Variants in THSD7B observed in about 807,000 individuals in gnomAD.
THSD7B encodes the protein thrombospondin type 1 domain containing 7B.
Under a neutral mutation model 213.6 loss-of-function variants are expected in THSD7B, and 138 were observed. The ratio of observed to expected loss-of-function variants is 0.65; its 90% CI spans 0.56 to 0.74. THSD7B has a LOEUF of 0.74. Ranked by LOEUF, THSD7B falls within the 30% of genes least tolerant of loss-of-function variation. The pLI is 0.00. For missense variants in THSD7B, 1,931 were observed against 1,991.5 expected, an observed-to-expected ratio of 0.97 and a Z score of 0.58; for synonymous variants, 742 against 687.0, an observed-to-expected ratio of 1.08 and a Z score of -1.25.
intron 12 of THSD7B, among the ~76,000 whole-genome samples, chr2:137,377,809 T>C (rs888374737): frequency 5.9e-5 from 9 of 151,978 alleles, no homozygotes; most frequent in African/African-American, 1.2e-4. Context: ...GTGTCTTTAG[T>C]AGAGACAGGG....
chr2:137,659,067 C>T (rs1427670967), intron 24 of THSD7B, among the ~76,000 whole-genome samples: 1 of 150,818 alleles, frequency 6.6e-6, no homozygotes, highest in Non-Finnish European at 1.5e-5. Context: ...GGAACAAGTA[C>T]TGTGTCAGAT....
chr2:136,946,006 G>C (rs1684930901), intron 2 of THSD7B, among the ~76,000 whole-genome samples: 1 of 152,150 alleles, frequency 6.6e-6, no homozygotes, highest in African/African-American at 2.4e-5. Context: ...TTTGTTGCTG[G>C]CAAGGAGCTG....
At chr2:137,420,349 T>A (rs1686897942) in intron 14 of THSD7B, among the ~76,000 whole-genome samples, 1 of 152,156 alleles carries the variant, frequency 6.6e-6, no homozygotes, top group East Asian at 1.9e-4. Context: ...ATTTGCAACT[T>A]AATTCTCTAG....
intron 2 of THSD7B, among the ~76,000 whole-genome samples, chr2:136,916,127 C>T (rs1301551777): frequency 6.6e-6 from 1 of 152,028 alleles, no homozygotes; most frequent in Non-Finnish European, 1.5e-5. Context: ...GTTTTTGTTT[C>T]TTGTTTTTAT....
At chr2:137,350,460 AAGTC>A (rs1472380167) in intron 12 of THSD7B, among the ~76,000 whole-genome samples, 1 of 151,822 alleles carries the variant, frequency 6.6e-6, no homozygotes, top group East Asian at 1.9e-4. Flanking sequence ...GCAGTGGAGA[AAGTC>A]AGAGAGTGGC....
At chr2:137,300,702 G>A (rs748809082) in intron 12 of THSD7B, among the ~76,000 whole-genome samples, 4 of 152,020 alleles carry the variant, frequency 2.6e-5, no homozygotes, top group Non-Finnish European at 4.4e-5. Flanking sequence ...GGCACATGCT[G>A]GAAAAAGGAA....
intron 1 of THSD7B, among the ~76,000 whole-genome samples, chr2:136,808,009 T>G (rs533704787): frequency 2.6e-5 from 4 of 152,346 alleles, no homozygotes; most frequent in Admixed American, 2.6e-4. Flanking sequence ...CTATCTATAT[T>G]AAGCTAAATA....
chr2:137,452,730 A>G (rs1306715889), intron 15 of THSD7B, among the ~76,000 whole-genome samples: 1 of 152,160 alleles, frequency 6.6e-6, no homozygotes, highest in African/African-American at 2.4e-5. Flanking sequence ...GTGTAGGCAA[A>G]TGTATGGACA....
chr2:136,973,682 C>T (rs918595820), intron 2 of THSD7B, among the ~76,000 whole-genome samples: 1 of 152,136 alleles, frequency 6.6e-6, no homozygotes, highest in Non-Finnish European at 1.5e-5. Flanking sequence ...TGTAATTACC[C>T]ATCTGTTTCA....
intron 1 of THSD7B, among the ~76,000 whole-genome samples, chr2:136,802,247 A>G (rs1682196338): frequency 6.6e-6 from 1 of 152,090 alleles, no homozygotes; most frequent in Non-Finnish European, 1.5e-5. Context: ...ACCATGTGGG[A>G]AAGAAAGTGA....
At chr2:137,526,672 C>A (rs1680286591) in intron 15 of THSD7B, among the ~76,000 whole-genome samples, 1 of 152,158 alleles carries the variant, frequency 6.6e-6, no homozygotes, top group African/African-American at 2.4e-5. Flanking sequence ...GATCCATCCA[C>A]CTTAGCCTCC....
intron 12 of THSD7B, among the ~76,000 whole-genome samples, chr2:137,399,335 G>T (rs1174062713): frequency 6.6e-6 from 1 of 151,978 alleles, no homozygotes; most frequent in East Asian, 1.9e-4. Flanking sequence ...TGGGATTACA[G>T]GTATGCGCAG....
At chr2:137,360,280 T>C (rs1419268791) in intron 12 of THSD7B, among the ~76,000 whole-genome samples, 1 of 152,166 alleles carries the variant, frequency 6.6e-6, no homozygotes, top group Non-Finnish European at 1.5e-5. Flanking sequence ...AGCTCGGGTC[T>C]GCAGCTCTCA....
intron 3 of THSD7B, among the ~76,000 whole-genome samples, chr2:137,093,539 A>G (rs1687989633): frequency 6.6e-6 from 1 of 152,118 alleles, no homozygotes; most frequent in Admixed American, 6.5e-5. Context: ...CCATCCCCAA[A>G]AGGTATGATT....
chr2:137,586,399 G>T (rs563131728), intron 17 of THSD7B, among the ~76,000 whole-genome samples: 1 of 151,992 alleles, frequency 6.6e-6, no homozygotes, highest in Non-Finnish European at 1.5e-5. Flanking sequence ...TGGTTATTTT[G>T]CCCATTAGTT....
chr2:137,545,265 C>A (rs1166233915), intron 15 of THSD7B, among the ~76,000 whole-genome samples: 1 of 151,696 alleles, frequency 6.6e-6, no homozygotes, highest in African/African-American at 2.4e-5. Flanking sequence ...GTTCATATAC[C>A]ATTGCTGTAC....
intron 1 of THSD7B, among the ~76,000 whole-genome samples, chr2:136,855,797 C>G (rs1012630621): frequency 6.6e-6 from 1 of 151,366 alleles, no homozygotes; most frequent in African/African-American, 2.4e-5. Context: ...CTTATCACTC[C>G]CTCCCTCATT....
chr2:137,297,740 T>G (rs1683501098), intron 12 of THSD7B, among the ~76,000 whole-genome samples: 1 of 152,108 alleles, frequency 6.6e-6, no homozygotes, highest in Admixed American at 6.5e-5. Flanking sequence ...CTCATGATAC[T>G]TGATGGGTTT....
chr2:137,280,821 AAG>A (rs1349307521), intron 12 of THSD7B, among the ~76,000 whole-genome samples: 1 of 152,160 alleles, frequency 6.6e-6, no homozygotes, highest in Admixed American at 6.6e-5. Flanking sequence ...GTACTAAAAA[AAG>A]AGAGAAAGAA....
Sources: allele counts gnomAD v4.1 joint callset (sites outside exome capture counted in the v4.1 genomes callset), GRCh38; gene constraint gnomAD v4.1.1; transcripts MANE v1.5; gene names NCBI Gene and HGNC (gene_info 2026-07-23, HGNC 2026-07-21).